The following SARAF variants were observed in gnomAD, a reference collection of about 807,000 sequenced individuals.
SARAF encodes store-operated calcium entry associated regulatory factor.
SARAF carries 23 observed loss-of-function variants against 39.7 expected under a neutral mutation model. The ratio of observed to expected loss-of-function variants is 0.58; its 90% CI spans 0.42 to 0.82. SARAF has a LOEUF of 0.82. Ranked by LOEUF, SARAF falls within the 40% of genes least tolerant of loss-of-function variation. The pLI is 0.00. For missense variants in SARAF, 384 were observed against 418.5 expected, an observed-to-expected ratio of 0.92 and a Z score of 0.72; for synonymous variants, 175 against 168.5, an observed-to-expected ratio of 1.04 and a Z score of -0.30.
At chr8:30,083,120 C>T (rs1585450661), upstream of SARAF, 4 of 509,724 alleles carry the variant, frequency 7.8e-6, no homozygotes, top group East Asian at 1.4e-4. Context: ...TACGTCACTG[C>T]CGCTGCGGCC....
chr8:30,064,369 C>T (rs1801623850), intron 5 of SARAF, among the ~76,000 whole-genome samples: 1 of 151,628 alleles, frequency 6.6e-6, no homozygotes, highest in Non-Finnish European at 1.5e-5. Context: ...GATGACAAAT[C>T]TTCCTATCTA....
At chr8:30,067,091 A>G (rs1265196718) in intron 3 of SARAF, 173 bp from the exon 4 acceptor site, 3 of 683,148 alleles carry the variant, frequency 4.4e-6, no homozygotes, top group Non-Finnish European at 7.2e-6. Flanking sequence ...CTGGTTTATA[A>G]TGAGGGAGAG....
At chr8:30,081,484 T>C (rs1802096720) in intron 1 of SARAF, among the ~76,000 whole-genome samples, 1 of 152,256 alleles carries the variant, frequency 6.6e-6, no homozygotes, top group Non-Finnish European at 1.5e-5. Context: ...AAGAAAAACG[T>C]ACAGACATTT....
At chr8:30,069,420 G>A (rs1322361027) in intron 3 of SARAF, among the ~76,000 whole-genome samples, 5 of 152,028 alleles carry the variant, frequency 3.3e-5, no homozygotes, top group East Asian at 3.9e-4. Context: ...GATTACAGGC[G>A]TGAGCCACCG....
intron 1 of SARAF, among the ~76,000 whole-genome samples, chr8:30,079,555 A>T (rs181603301): frequency 6.6e-6 from 1 of 152,370 alleles, no homozygotes; most frequent in East Asian, 1.9e-4. Flanking sequence ...AAATAACAGA[A>T]ATAATAAATT....
intron 3 of SARAF, 36 bp downstream of exon 3, chr8:30,069,606 C>T (rs763967921): frequency 2.0e-6 from 3 of 1,532,092 alleles, no homozygotes; most frequent in East Asian, 2.2e-5. Context: ...TAACCTCACA[C>T]CCGCTCTATT....
rs576902084 is a variant in SARAF at position 30,069,628 on chromosome 8, C to T, written c.700+14G>A. On this transcript the variant is annotated intron_variant, in intron 3 of 5. Coordinates refer to ENST00000256255, the MANE Select transcript of SARAF (RefSeq NM_016127.6). ...ACACCCGCTCTATTTATGGCCACTG[C>T]GAGGGAAACATACCTGTGAACTCAG... 29 of 1,543,776 alleles carry T rather than the reference C, an allele frequency of 1.9e-5. No homozygotes were observed. Among genetic ancestry groups the T allele is most frequent in the African/African-American group, 4.0e-5 (3 of 74,442 alleles).
rs184771940 is a variant in SARAF, at chr8:30,071,594, A to T, written c.283-1535T>A. 3.2e-3 allele frequency among the ~76,000 whole-genome samples: 483 copies of T among 152,310 alleles called. 3 individuals are homozygous for T. The highest frequency in any genetic ancestry group is 0.011 in the African/African-American group (459 of 41,552). On this transcript the variant is annotated intron_variant, in intron 2 of 5. Coordinates refer to ENST00000256255, the MANE Select transcript of SARAF (RefSeq NM_016127.6). ...TAGAATATTTTCGTCACCCCAAAGA[A>T]ATATTGTGCCCATTAGCAGTCACTC...
At chr8:30,083,129 C>T (rs924187257), upstream of SARAF, 12 of 506,230 alleles carry the variant, frequency 2.4e-5, no homozygotes, top group Middle Eastern at 5.0e-4. Context: ...GCCGCTGCGG[C>T]CCGTGGGGCT....
intron 2 of SARAF, among the ~76,000 whole-genome samples, chr8:30,070,607 C>A (rs1187059678): frequency 6.6e-6 from 1 of 152,106 alleles, no homozygotes; most frequent in Non-Finnish European, 1.5e-5. Flanking sequence ...TATTACTATT[C>A]TTTACATATA....
chr8:30,074,094 T>C (rs1801905524), intron 1 of SARAF, 39 bp from the exon 2 acceptor site: 1 of 1,589,976 alleles, frequency 6.3e-7, no homozygotes, highest in East Asian at 2.3e-5. Flanking sequence ...AAAGTAAGTA[T>C]CGTGTCAGAG....
intron 1 of SARAF, among the ~76,000 whole-genome samples, chr8:30,078,735 C>G (rs917716880): frequency 1.3e-5 from 2 of 151,984 alleles, no homozygotes; most frequent in Non-Finnish European, 2.9e-5. Flanking sequence ...GAGAGAGAGA[C>G]CTAAATATAC....
At chr8:30,078,180 GAAA>G (rs71204259) in intron 1 of SARAF, 731 of 283,602 alleles carry the variant, frequency 2.6e-3, no homozygotes, top group South Asian at 4.2e-3. Flanking sequence ...ACAGTAGGAG[GAAA>G]AAAAAAAAAA....
At chr8:30,064,559 A>ATTTTTTTTTTT (rs1240248914) in intron 5 of SARAF, among the ~76,000 whole-genome samples, 12 of 50,020 alleles carry the variant, frequency 2.4e-4, no homozygotes, top group East Asian at 9.5e-4. Context: ...ATATATATAT[A>ATTTTTTTTTTT]TATTTTTTTT....
chr8:30,082,961 A>G lies in SARAF; in HGVS notation c.-12T>C. ...CAGGCTGCGGCCATGGCGCTCGATG[A>G]AGATGGCGCCGGGCTGCCAGACGCC... On this transcript the variant is annotated 5_prime_UTR_variant, in exon 1 of 6. Transcript: ENST00000256255. The G allele has an allele frequency of 6.5e-7, 1 of 1,538,240 alleles. No homozygotes were observed. The highest frequency in any genetic ancestry group is 2.5e-5 in the East Asian group (1 of 39,562).
At position 30,082,984 on chromosome 8, in the gene SARAF, GC is replaced by G; in HGVS notation, c.-36del. The G allele has an allele frequency of 2.0e-6, 3 of 1,495,600 alleles. No individual in the cohort carries two copies. Among genetic ancestry groups the G allele is most frequent in the Non-Finnish European group, 2.7e-6 (3 of 1,108,050 alleles). The allele number at this position is 1,495,600 out of a possible 1,614,324, so 92.6% of individuals were successfully genotyped here. On this transcript the variant is annotated 5_prime_UTR_variant, in exon 1 of 6. Transcript: ENST00000256255. The stretch of plus-strand genomic sequence containing the variant: ...TGAAGATGGCGCCGGGCTGCCAGAC[GC>G]CTACGGGCCGAACCTGGGTGCGGTA...
intron 1 of SARAF, among the ~76,000 whole-genome samples, chr8:30,081,264 T>C (rs1802092749): frequency 6.6e-6 from 1 of 152,258 alleles, no homozygotes; most frequent in Admixed American, 6.5e-5. Flanking sequence ...TTTTACAGCG[T>C]AGATAAACCA....
intron 2 of SARAF, among the ~76,000 whole-genome samples, chr8:30,071,996 A>G (rs1019816696): frequency 1.3e-5 from 2 of 152,190 alleles, no homozygotes; most frequent in Non-Finnish European, 2.9e-5. Flanking sequence ...TGAGGCATAC[A>G]TGGTAACTCT....
At chr8:30,064,960 G>A (rs188773892) in intron 5 of SARAF, among the ~76,000 whole-genome samples, 1 of 151,986 alleles carries the variant, frequency 6.6e-6, no homozygotes. Flanking sequence ...AGTTTTGCCT[G>A]TTTTTGCATG....
Sources: gnomAD v4.1 joint callset for allele counts (sites outside exome capture counted in the v4.1 genomes callset) on GRCh38, gnomAD v4.1.1 for gene constraint, MANE v1.5 for transcripts, NCBI Gene and HGNC (gene_info 2026-07-23, HGNC 2026-07-21) for gene names.